CAMTA1: variants seen among roughly 807,000 people sequenced by gnomAD.
The protein encoded by CAMTA1 is calmodulin-binding transcription activator 1.
CAMTA1 carries 27 observed loss-of-function variants against 170.9 expected under a neutral mutation model. The ratio of observed to expected loss-of-function variants is 0.16; its 90% CI spans 0.12 to 0.22. The LOEUF is 0.22. Among genes scored for constraint, CAMTA1 ranks in the 10% least tolerant of loss-of-function variants. The pLI is 1.00. For synonymous variants in CAMTA1, 833 were observed against 891.5 expected (o/e 0.93, Z 1.17); for missense variants, 1,619 against 2,217.2 (o/e 0.73, Z 5.42).
chr1:6,899,554 G>GCGCGCA (rs1306510241), intron 3 of CAMTA1, among the ~76,000 whole-genome samples: 105 of 141,172 alleles, frequency 7.4e-4, no homozygotes, highest in Middle Eastern at 3.7e-3. Flanking sequence ...ACGCGCGCGC[G>GCGCGCA]CACACACACA....
intron 3 of CAMTA1, among the ~76,000 whole-genome samples, chr1:6,870,991 T>C (rs1039382583): frequency 6.6e-6 from 1 of 152,246 alleles, no homozygotes; most frequent in African/African-American, 2.4e-5. Flanking sequence ...GGTAGCTTCA[T>C]GTTTCAAAAC....
intron 11 of CAMTA1, among the ~76,000 whole-genome samples, chr1:7,688,721 C>T (rs1009932199): frequency 2.0e-5 from 3 of 152,208 alleles, no homozygotes; most frequent in African/African-American, 7.2e-5. Context: ...AAGCCCTGTC[C>T]TTTCAGAAGC....
In CAMTA1 at chr1:7,056,392, CT is replaced by C. The variant is rs1707328313; in HGVS notation, c.235-34911del. ...ATGCAGCCCCCAGGTGGGAAGGGGG[CT>C]CATGAGCTGACCCATCAGGCTGAGG... is the stretch of plus-strand genomic sequence containing the variant. On this transcript the variant is annotated intron_variant, in intron 3 of 22. Transcript: ENST00000303635. 6.8e-4 allele frequency among the ~76,000 whole-genome samples: 103 copies of C among 152,266 alleles called. 1 individual carries two copies. The highest frequency in any genetic ancestry group is 6.6e-3 in the Admixed American group (101 of 15,302).
intron 3 of CAMTA1, among the ~76,000 whole-genome samples, chr1:6,884,541 C>T (rs1295712779): frequency 1.3e-5 from 2 of 152,116 alleles, no homozygotes; most frequent in Non-Finnish European, 2.9e-5. Flanking sequence ...TTAATGGATG[C>T]CCCAATTCTG....
intron 3 of CAMTA1, among the ~76,000 whole-genome samples, chr1:7,084,626 A>G (rs1206287889): frequency 6.6e-6 from 1 of 152,194 alleles, no homozygotes; most frequent in Non-Finnish European, 1.5e-5. Flanking sequence ...AGCGTGTGCT[A>G]TGGAACAGCT....
Position 7,699,765 on chromosome 1 carries a change from C to T in CAMTA1, c.2914+22032C>T, listed in dbSNP as rs539819040. ...GTTTTGATTTGCATTTCCTCAGTGACTTTGATTTCCTCAAATCAAATGTTG... is the reference window on the plus strand; with the variant it reads ...GTTTTGATTTGCATTTCCTCAGTGATTTTGATTTCCTCAAATCAAATGTTG... On this transcript the variant is annotated intron_variant, in intron 11 of 22. Transcript: ENST00000303635. Among the ~76,000 whole-genome samples, 50 of 152,290 alleles carry T rather than the reference C, an allele frequency of 3.3e-4. 1 individual carries two copies. Among genetic ancestry groups the T allele is most frequent in the Admixed American group, 3.1e-3 (48 of 15,298 alleles).
chr1:6,946,059 G>C (rs1446322228), intron 3 of CAMTA1, among the ~76,000 whole-genome samples: 1 of 152,126 alleles, frequency 6.6e-6, no homozygotes, highest in African/African-American at 2.4e-5. Flanking sequence ...GCAACTCCAT[G>C]TTTAACCTTT....
chr1:6,795,905 A>G (rs1376416725), intron 1 of CAMTA1, among the ~76,000 whole-genome samples: 1 of 152,232 alleles, frequency 6.6e-6, no homozygotes, highest in Non-Finnish European at 1.5e-5. Flanking sequence ...AAAACAAAAG[A>G]TAAGATACTG....
intron 4 of CAMTA1, among the ~76,000 whole-genome samples, chr1:7,154,003 G>A (rs958333014): frequency 5.3e-5 from 8 of 152,176 alleles, no homozygotes; most frequent in Non-Finnish European, 1.2e-4. Context: ...TGGGGCACTG[G>A]GTGTCCTGTG....
intron 5 of CAMTA1, among the ~76,000 whole-genome samples, chr1:7,427,528 A>C (rs918442065): frequency 7.9e-5 from 12 of 152,216 alleles, no homozygotes; most frequent in Non-Finnish European, 2.9e-5. Context: ...ATTTGCTATA[A>C]GCTGTATAAA....
At chr1:7,186,725 T>C (rs577410829) in intron 4 of CAMTA1, among the ~76,000 whole-genome samples, 1 of 152,210 alleles carries the variant, frequency 6.6e-6, no homozygotes, top group Admixed American at 6.5e-5. Flanking sequence ...TATTCACGCA[T>C]TAACATCTTT....
Position 7,732,656 on chromosome 1 carries a change from A to T in CAMTA1, c.3066+57A>T. 4 of 1,506,304 alleles carry T rather than the reference A, an allele frequency of 2.7e-6. No individual in the cohort carries two copies. The highest frequency in any genetic ancestry group is 3.6e-6 in the Non-Finnish European group (4 of 1,123,856). The allele number at this position is 1,506,304 out of a possible 1,614,324, so 93.3% of individuals were successfully genotyped here. On this transcript the variant is annotated intron_variant, in intron 12 of 22. Transcript: ENST00000303635. This position sits in a 1 kb window ranked among gnomAD's most constrained non-coding sequence, Gnocchi z 4.1. The stretch of plus-strand genomic sequence containing the variant: ...TTCGCTTCATGTTTATGGATTGGCG[A>T]GGCAGTGGATGGATCACAGGCCTCT...
At chr1:7,111,394 A>G (rs935061813) in intron 4 of CAMTA1, among the ~76,000 whole-genome samples, 2 of 152,212 alleles carry the variant, frequency 1.3e-5, no homozygotes, top group Admixed American at 1.3e-4. Context: ...CTGGTTTTAT[A>G]GAAATTTCTA....
At chr1:7,466,180 G>T (rs2093206998) in intron 5 of CAMTA1, among the ~76,000 whole-genome samples, 1 of 152,176 alleles carries the variant, frequency 6.6e-6, no homozygotes, top group Non-Finnish European at 1.5e-5. Flanking sequence ...GTCTCCTTCG[G>T]CAAGGAGTGA....
chr1:7,604,873 T>A (rs1190498526), intron 6 of CAMTA1, among the ~76,000 whole-genome samples: 2 of 152,214 alleles, frequency 1.3e-5, no homozygotes, highest in Non-Finnish European at 2.9e-5. Flanking sequence ...GGATGTCGTT[T>A]CTGTTTGTTA....
rs1491270882 is a variant in CAMTA1 at position 7,104,285 on chromosome 1, AAT to A, written c.302+12917_302+12918del. On this transcript the variant is annotated intron_variant, in intron 4 of 22. Coordinates refer to ENST00000303635, the MANE Select transcript of CAMTA1 (RefSeq NM_015215.4). Reference sequence around the variant, plus strand: ...CAACTACATACATGCACACAAAACAAATATTCAACACAATGCATGCATGCAGC... The same window carrying A: ...CAACTACATACATGCACACAAAACAAATTCAACACAATGCATGCATGCAGC... Among the ~76,000 whole-genome samples the A allele has an allele frequency of 3.0e-4, 44 of 144,418 alleles. 2 individuals carry two copies. In the South Asian group the frequency reaches 6.9e-3, roughly 23 times the overall value. 94.7% of individuals were successfully genotyped at this position (144,418 alleles called of 152,430 possible). A position where few individuals can be genotyped will look rare whatever the true frequency, so the allele number is the denominator to read the frequency against.
intron 5 of CAMTA1, among the ~76,000 whole-genome samples, chr1:7,266,817 G>A (rs1669011006): frequency 6.6e-6 from 1 of 152,234 alleles, no homozygotes; most frequent in South Asian, 2.1e-4. Flanking sequence ...CCCTAAGGCT[G>A]GAAGGACCTT....
chr1:7,560,269 G>A (rs1033198481), intron 6 of CAMTA1, among the ~76,000 whole-genome samples: 1 of 152,200 alleles, frequency 6.6e-6, no homozygotes, highest in Non-Finnish European at 1.5e-5. Context: ...CTTTCTGCAG[G>A]CCCCACTGCC....
chr1:7,022,239 C>T (rs1044263469), intron 3 of CAMTA1, among the ~76,000 whole-genome samples: 1 of 152,270 alleles, frequency 6.6e-6, no homozygotes, highest in East Asian at 1.9e-4. Context: ...CCTTTCCTCC[C>T]TCAGCCACTT....
Sources: gnomAD v4.1 joint callset for allele counts (sites outside exome capture counted in the v4.1 genomes callset) on GRCh38, gnomAD v4.1.1 for gene constraint, Gnocchi (gnomAD v3.1) non-coding constraint, MANE v1.5 for transcripts, NCBI Gene and HGNC (gene_info 2026-07-23, HGNC 2026-07-21) for gene names.